Variants in NRG1 observed in about 807,000 individuals in gnomAD.
The protein encoded by NRG1 is neuregulin 1.
In NRG1, 18 loss-of-function variants were observed where a neutral mutation model predicts 63.8. The ratio of observed to expected loss-of-function variants is 0.28; its 90% confidence interval spans 0.19 to 0.42. NRG1 has a LOEUF of 0.42. Among genes scored for constraint, NRG1 ranks in the 10% least tolerant of loss-of-function variants. The pLI is 1.00. For synonymous variants in NRG1, 302 were observed against 301.3 expected (o/e 1.00, Z -0.02); for missense variants, 762 against 814.7 (o/e 0.94, Z 0.79).
At chr8:31,740,671 A>ATG (rs1264889469) in intron 1 of NRG1, among the ~76,000 whole-genome samples, 17 of 145,802 alleles carry the variant, frequency 1.2e-4, no homozygotes, top group South Asian at 2.1e-4. Context: ...GTGTGAGTGC[A>ATG]TGTGTGTGTG....
At chr8:31,900,854 G>A (rs1417614116) in intron 1 of NRG1, among the ~76,000 whole-genome samples, 1 of 152,144 alleles carries the variant, frequency 6.6e-6, no homozygotes, top group African/African-American at 2.4e-5. Flanking sequence ...GCCTGTTCTT[G>A]CTAAACAGAT....
intron 1 of NRG1, among the ~76,000 whole-genome samples, chr8:31,836,029 C>T (rs1215839212): frequency 6.6e-6 from 1 of 152,222 alleles, no homozygotes; most frequent in East Asian, 1.9e-4. Context: ...TATTGGACAG[C>T]AGAGATTTAG....
chr8:32,485,085 T>C (rs1245078140), intron 1 of NRG1, among the ~76,000 whole-genome samples: 1 of 151,986 alleles, frequency 6.6e-6, no homozygotes. Flanking sequence ...TCCTCTGCAG[T>C]GCTCAGTATA....
chr8:31,827,740 G>T lies in NRG1; in HGVS notation c.37+188309G>T, dbSNP rs541896619. ...CCTCTCTTCTTCTTTCTCTTTATTC[G>T]ATTGTTTGCCTTTGAAAGTCTGGCT... is the stretch of plus-strand genomic sequence containing the variant. On this transcript the variant is annotated intron_variant, in intron 1 of 10. Transcript: ENST00000519301. Among the ~76,000 whole-genome samples the T allele has an allele frequency of 2.0e-5, 3 of 152,094 alleles. No individual in the cohort carries two copies. The East Asian group carries it at 5.8e-4, about 29-fold the overall frequency.
At chr8:32,598,153 G>A (rs1843688099) in intron 2 of NRG1, among the ~76,000 whole-genome samples, 1 of 152,020 alleles carries the variant, frequency 6.6e-6, no homozygotes, top group African/African-American at 2.4e-5. Context: ...CAGGGGCGGG[G>A]GTCATAAGAT....
At chr8:32,760,597 G>A (rs979843586) in intron 11 of NRG1, 191 bp downstream of exon 11, 1 of 1,392,234 alleles carries the variant, frequency 7.2e-7, no homozygotes, top group African/African-American at 1.5e-5. Context: ...AGCTTCTCTC[G>A]TCGTCCCAGT....
chr8:31,855,603 T>C lies in NRG1; in HGVS notation c.37+216172T>C, dbSNP rs577494516. Among the ~76,000 whole-genome samples, 13 of 152,302 alleles carry C rather than the reference T, an allele frequency of 8.5e-5. No individual in the cohort carries two copies. The South Asian group carries it at 1.7e-3, about 19-fold the overall frequency. On this transcript the variant is annotated intron_variant, in intron 1 of 10. Transcript: ENST00000519301. ...TGTGTCTTTTAATTGGAGCATTTAG[T>C]CCATTTACATTTAAAGTTAATATTG...
chr8:32,660,261 C>G (rs534972704), intron 5 of NRG1, among the ~76,000 whole-genome samples: 22 of 152,268 alleles, frequency 1.4e-4, no homozygotes, highest in African/African-American at 5.1e-4. Flanking sequence ...ATTCCAAAAT[C>G]CAAAACACTT....
intron 1 of NRG1, among the ~76,000 whole-genome samples, chr8:31,846,519 G>A (rs1031375746): frequency 1.1e-4 from 17 of 152,140 alleles, no homozygotes; most frequent in African/African-American, 4.1e-4. Context: ...GGACTAATGT[G>A]TGCAAAACAT....
chr8:31,646,482 C>T (rs1209385377), intron 1 of NRG1, among the ~76,000 whole-genome samples: 2 of 152,182 alleles, frequency 1.3e-5, no homozygotes, highest in South Asian at 4.1e-4. Context: ...ATGTGAAGTA[C>T]TGTCAGCTTC....
At chr8:32,010,231 A>G (rs1336324382) in intron 1 of NRG1, among the ~76,000 whole-genome samples, 1 of 152,112 alleles carries the variant, frequency 6.6e-6, no homozygotes, top group African/African-American at 2.4e-5. Context: ...TGTAAAACAA[A>G]TATCCTCATA....
chr8:31,955,207 A>AT (rs1359062229), intron 1 of NRG1, among the ~76,000 whole-genome samples: 1 of 152,182 alleles, frequency 6.6e-6, no homozygotes, highest in East Asian at 1.9e-4. Flanking sequence ...CTAATATTAA[A>AT]TTTTTAAAAA....
At chr8:32,609,694 C>G (rs1371868113) in intron 3 of NRG1, among the ~76,000 whole-genome samples, 1 of 135,290 alleles carries the variant, frequency 7.4e-6, no homozygotes, top group Non-Finnish European at 1.5e-5. Flanking sequence ...TGGTGTTTCG[C>G]TGTGTCACCT....
At chr8:31,646,225 C>T (rs1438971106) in intron 1 of NRG1, among the ~76,000 whole-genome samples, 1 of 152,170 alleles carries the variant, frequency 6.6e-6, no homozygotes, top group Non-Finnish European at 1.5e-5. Flanking sequence ...GGACATCTGC[C>T]CTGGCTTGCT....
rs746770727 is a variant in NRG1 at position 32,226,852 on chromosome 8, G to T, written c.38-368976G>T. 7.0e-4 allele frequency among the ~76,000 whole-genome samples: 106 copies of T among 152,128 alleles called. 2 individuals are homozygous for T. The highest frequency in any genetic ancestry group is 4.1e-4 in the Non-Finnish European group (28 of 68,018). ...TTTGACTTCACAACAAAAGAGGAAG[G>T]AAGTTCTTAAATGTAGAACAATAAC... On this transcript the variant is annotated intron_variant, in intron 1 of 10. Transcript: ENST00000519301.
At chr8:31,930,174 CAGA>C (rs1254673461) in intron 1 of NRG1, among the ~76,000 whole-genome samples, 1 of 152,122 alleles carries the variant, frequency 6.6e-6, no homozygotes. Flanking sequence ...ATATCGTAGG[CAGA>C]AGAAGTGCCA....
chr8:32,653,662 T>C (rs1267649465), intron 5 of NRG1, among the ~76,000 whole-genome samples: 1 of 152,356 alleles, frequency 6.6e-6, no homozygotes, highest in Admixed American at 6.5e-5. Flanking sequence ...ATTTTCAGAT[T>C]CTAGAGAGTT....
chr8:32,647,399 C>T (rs1853839383), intron 5 of NRG1: 1 of 985,264 alleles, frequency 1.0e-6, no homozygotes, highest in Admixed American at 6.1e-5. Context: ...AATTAATCAG[C>T]CGGCAGCTCC....
At chr8:31,946,665 G>T (rs1429009232) in intron 1 of NRG1, among the ~76,000 whole-genome samples, 1 of 152,104 alleles carries the variant, frequency 6.6e-6, no homozygotes, top group East Asian at 1.9e-4. Context: ...TGTGACACTA[G>T]CCTATGGCGG....
Sources: allele counts gnomAD v4.1 joint callset (sites outside exome capture counted in the v4.1 genomes callset), GRCh38; gene constraint gnomAD v4.1.1; transcripts MANE v1.5; gene names NCBI Gene and HGNC (gene_info 2026-07-23, HGNC 2026-07-21).